MYO16: variants seen among roughly 807,000 people sequenced by gnomAD.
MYO16 encodes unconventional myosin-XVI.
In MYO16, 94 loss-of-function variants were observed where a neutral mutation model predicts 205.3. That is an observed-to-expected ratio of 0.46 (90% CI 0.39 to 0.54). MYO16 has a LOEUF of 0.54. MYO16 is among the 20% of genes least tolerant of loss of function. MYO16 has a pLI of 0.00. For synonymous variants in MYO16, 988 were observed against 954.0 expected (o/e 1.04, Z -0.66); for missense variants, 2,315 against 2,387.5 (o/e 0.97, Z 0.63).
At chr13:108,897,242 TC>T (rs1310625429) in intron 14 of MYO16, among the ~76,000 whole-genome samples, 1 of 152,182 alleles carries the variant, frequency 6.6e-6, no homozygotes, top group Non-Finnish European at 1.5e-5. Context: ...AATTGCTTGG[TC>T]CCCATCACCT....
intron 5 of MYO16, among the ~76,000 whole-genome samples, chr13:108,790,326 A>G (rs1886580815): frequency 6.6e-6 from 1 of 152,202 alleles, no homozygotes; most frequent in African/African-American, 2.4e-5. Flanking sequence ...AGTTTTGCCC[A>G]AGTATCCACT....
Position 109,055,278 on chromosome 13 carries a change from G to A in MYO16, c.3130-112G>A. On this transcript the variant is annotated intron_variant, in intron 26 of 34. Coordinates refer to ENST00000457511, the MANE Select transcript of MYO16 (RefSeq NM_001198950.3). This position sits in a 1 kb window ranked among gnomAD's most constrained non-coding sequence, Gnocchi z 5.0. ...ACACACACACACACACACACACAGA[G>A]TAAATGCATAATGAGATTTAAAGAC... is the stretch of plus-strand genomic sequence containing the variant. The A allele has an allele frequency of 1.1e-6, 1 of 925,144 alleles. No homozygotes were observed. The highest frequency in any genetic ancestry group is 1.6e-6 in the Non-Finnish European group (1 of 612,818). The allele number at this position is 925,144 out of a possible 1,614,324, so 57.3% of individuals were successfully genotyped here.
the MYO16 span, among the ~76,000 whole-genome samples, chr13:108,556,053 C>A: frequency 3.3e-5 from 5 of 152,088 alleles, no homozygotes; most frequent in Admixed American, 6.5e-5. Context: ...CTAATGGATA[C>A]TTAGGTGATA....
chr13:109,001,195 G>A (rs367941622), intron 21 of MYO16, among the ~76,000 whole-genome samples: 8 of 147,264 alleles, frequency 5.4e-5, no homozygotes, highest in African/African-American at 1.0e-4. Context: ...AAAAAAAAAA[G>A]AAAAGGAAGA....
At chr13:108,844,211 C>T in intron 9 of MYO16, 132 bp from the exon 10 acceptor site, 1 of 596,464 alleles carries the variant, frequency 1.7e-6, no homozygotes, top group South Asian at 6.7e-5. Flanking sequence ...TAATTTTTTT[C>T]CTGCAGTTTA....
At chr13:108,676,633 A>G (rs1882224393) in intron 2 of MYO16, among the ~76,000 whole-genome samples, 1 of 152,196 alleles carries the variant, frequency 6.6e-6, no homozygotes, top group African/African-American at 2.4e-5. Context: ...GAGTGTGGGC[A>G]CACACAGAGG....
chr13:108,758,705 G>A (rs976123003), intron 4 of MYO16, among the ~76,000 whole-genome samples: 2 of 152,170 alleles, frequency 1.3e-5, no homozygotes, highest in African/African-American at 4.8e-5. Context: ...GGAGCTGAGT[G>A]GCATGTTTGT....
At chr13:108,588,746 A>G in the MYO16 span, among the ~76,000 whole-genome samples, 4,074 of 152,206 alleles carry the variant, frequency 0.027, 176 homozygotes, top group African/African-American at 0.091. Flanking sequence ...ATACACTGTT[A>G]GTGAGAGGCC....
chr13:108,528,560 TCCTCTCCTC>T, the MYO16 span, among the ~76,000 whole-genome samples: 1 of 132,546 alleles, frequency 7.5e-6, no homozygotes, highest in African/African-American at 3.2e-5. Context: ...TCCTCTCCTC[TCCTCTCCTC>T]TCCCCTCCCC....
chr13:109,188,572 G>A (rs1879781957), intron 34 of MYO16, among the ~76,000 whole-genome samples: 1 of 152,130 alleles, frequency 6.6e-6, no homozygotes, highest in East Asian at 1.9e-4. Flanking sequence ...TATATAAAGG[G>A]GAGTTTGTTA....
chr13:108,801,383 C>T (rs1172896594), intron 6 of MYO16, among the ~76,000 whole-genome samples: 1 of 152,188 alleles, frequency 6.6e-6, no homozygotes, highest in Non-Finnish European at 1.5e-5. Context: ...CATTCTAGAA[C>T]TCTGCATGGC....
intron 32 of MYO16, among the ~76,000 whole-genome samples, chr13:109,147,464 G>A (rs953590651): frequency 2.0e-5 from 3 of 152,118 alleles, no homozygotes; most frequent in Admixed American, 6.5e-5. Flanking sequence ...CAACATTATC[G>A]TCATTTATTC....
intron 33 of MYO16, among the ~76,000 whole-genome samples, chr13:109,173,692 G>A (rs990757115): frequency 2.0e-5 from 3 of 151,256 alleles, no homozygotes; most frequent in African/African-American, 2.4e-5. Flanking sequence ...TCAGGCGATC[G>A]AGACCATCCT....
intron 20 of MYO16, among the ~76,000 whole-genome samples, chr13:108,976,737 C>T (rs534440048): frequency 6.6e-6 from 1 of 152,134 alleles, no homozygotes; most frequent in African/African-American, 2.4e-5. Flanking sequence ...AATAAAAATA[C>T]GCTTATCCCG....
At chr13:108,558,719 G>A in the MYO16 span, among the ~76,000 whole-genome samples, 4 of 152,268 alleles carry the variant, frequency 2.6e-5, no homozygotes, top group Middle Eastern at 6.8e-3. Flanking sequence ...TAACTTACAC[G>A]TGAGCACCTG....
chr13:108,808,602 C>T (rs1290597009), intron 7 of MYO16, among the ~76,000 whole-genome samples: 3 of 152,064 alleles, frequency 2.0e-5, no homozygotes, highest in Non-Finnish European at 4.4e-5. Flanking sequence ...CGTGAGCCAC[C>T]ATGCCCTGCC....
chr13:108,761,180 A>G (rs1456973012), intron 4 of MYO16, among the ~76,000 whole-genome samples: 1 of 152,114 alleles, frequency 6.6e-6, no homozygotes, highest in Non-Finnish European at 1.5e-5. Flanking sequence ...AGTGACCTTT[A>G]CAGACTGTGC....
chr13:109,101,923 A>G (rs1026445090), intron 28 of MYO16: 6 of 152,192 alleles, frequency 3.9e-5, no homozygotes, highest in Admixed American at 1.3e-4. Flanking sequence ...GAATTGCTGA[A>G]TAGGTCCAAA....
chr13:108,647,154 A>G (rs1880790157), intron 1 of MYO16, among the ~76,000 whole-genome samples: 1 of 152,042 alleles, frequency 6.6e-6, no homozygotes, highest in South Asian at 2.1e-4. Flanking sequence ...TTCTGACTCC[A>G]CTTTCTCCCT....
Sources: allele counts gnomAD v4.1 joint callset (sites outside exome capture counted in the v4.1 genomes callset), GRCh38; gene constraint gnomAD v4.1.1; non-coding constraint Gnocchi (gnomAD v3.1); transcripts MANE v1.5; gene names NCBI Gene and HGNC (gene_info 2026-07-23, HGNC 2026-07-21).